The following INPP5D variants were observed in gnomAD, a reference collection of about 807,000 sequenced individuals.
INPP5D encodes phosphatidylinositol 3,4,5-trisphosphate 5-phosphatase 1.
INPP5D carries 33 observed loss-of-function variants against 122.9 expected under a neutral mutation model. The observed-to-expected ratio is 0.27, with a 90% CI of 0.20 to 0.36. INPP5D has a LOEUF of 0.36. Among genes scored for constraint, INPP5D ranks in the 10% least tolerant of loss-of-function variants. The pLI is 1.00. For synonymous variants in INPP5D, 584 were observed against 576.2 expected (o/e 1.01, Z -0.19); for missense variants, 1,053 against 1,412.7 (o/e 0.75, Z 4.08).
intron 26 of INPP5D, chr2:233,205,366 TA>T (rs1239308405): frequency 7.8e-6 from 1 of 128,802 alleles, no homozygotes; most frequent in Non-Finnish European, 1.7e-5. Context: ...AAAAAAAAAT[TA>T]AAAAACAACA....
chr2:233,086,133 C>CTTTCTTTCTTTCT (rs1691831441), intron 2 of INPP5D, among the ~76,000 whole-genome samples: 11 of 123,030 alleles, frequency 8.9e-5, no homozygotes, highest in Non-Finnish European at 1.5e-4. Flanking sequence ...TTCTTTCTTT[C>CTTTCTTTCTTTCT]TTTCTTTCTT....
intron 22 of INPP5D, among the ~76,000 whole-genome samples, chr2:233,191,272 G>A (rs539724630): frequency 1.3e-5 from 2 of 152,278 alleles, no homozygotes; most frequent in African/African-American, 2.4e-5. Flanking sequence ...CAGATCTCTT[G>A]AGAACTCACT....
intron 2 of INPP5D, among the ~76,000 whole-genome samples, chr2:233,087,832 T>G (rs1487096499): frequency 6.6e-6 from 1 of 152,194 alleles, no homozygotes; most frequent in Non-Finnish European, 1.5e-5. Context: ...AAATTTGTCC[T>G]CCACAGGATC....
At chr2:233,131,989 G>A (rs1693341054) in intron 5 of INPP5D, among the ~76,000 whole-genome samples, 1 of 152,194 alleles carries the variant, frequency 6.6e-6, no homozygotes, top group Admixed American at 6.5e-5. Flanking sequence ...GACAAATCAA[G>A]CACTCACCAA....
At chr2:233,116,577 C>T (rs1448608528) in intron 2 of INPP5D, among the ~76,000 whole-genome samples, 1 of 150,602 alleles carries the variant, frequency 6.6e-6, no homozygotes, top group Non-Finnish European at 1.5e-5. Flanking sequence ...CGTGTGCCAC[C>T]ATGTCTGACC....
At chr2:233,121,357 C>T (rs911889919) in intron 2 of INPP5D, among the ~76,000 whole-genome samples, 1 of 151,540 alleles carries the variant, frequency 6.6e-6, no homozygotes, top group Non-Finnish European at 1.5e-5. Context: ...AGACTGGTCT[C>T]GAACTCCTGA....
chr2:233,190,806 C>T (rs558126711), intron 22 of INPP5D, among the ~76,000 whole-genome samples: 6 of 152,344 alleles, frequency 3.9e-5, no homozygotes, highest in African/African-American at 1.4e-4. Flanking sequence ...CAGGCCAAGC[C>T]TCTCCTTACA....
chr2:233,107,884 T>C (rs75276944), intron 2 of INPP5D, among the ~76,000 whole-genome samples: 2,345 of 152,242 alleles, frequency 0.015, 50 homozygotes, highest in African/African-American at 0.049. Flanking sequence ...TCCCCAGCGC[T>C]GCCACGGCAC....
chr2:233,183,990 A>C lies in INPP5D; in HGVS notation c.2162-418A>C, dbSNP rs1445274184. On this transcript the variant is annotated intron_variant, in intron 19 of 26. Coordinates refer to ENST00000445964, the MANE Select transcript of INPP5D (RefSeq NM_001017915.3). The surrounding 1 kb of genome is among the most constrained non-coding windows in gnomAD (Gnocchi z 4.6). ...GGAAGGAGTGGGGATAACTGTGCCT[A>C]AGGGAGAGAGAGCTGCTAGCCCTCA... is the stretch of plus-strand genomic sequence containing the variant. 3.9e-5 allele frequency among the ~76,000 whole-genome samples: 6 copies of C among 152,208 alleles called. No homozygotes were observed. The highest frequency in any genetic ancestry group is 2.9e-5 in the Non-Finnish European group (2 of 68,044).
chr2:233,120,414 G>T (rs942077688), intron 2 of INPP5D, among the ~76,000 whole-genome samples: 2 of 152,214 alleles, frequency 1.3e-5, no homozygotes, highest in African/African-American at 2.4e-5. Context: ...AACCCAGGAG[G>T]TGGAGGCTGC....
chr2:233,194,397 T>A (rs1366945091), intron 23 of INPP5D, among the ~76,000 whole-genome samples: 1 of 151,894 alleles, frequency 6.6e-6, no homozygotes, highest in Non-Finnish European at 1.5e-5. Context: ...CACGGCCACA[T>A]GGTGCCCACT....
chr2:233,182,115 A>C (rs1006106028), intron 18 of INPP5D, among the ~76,000 whole-genome samples: 1 of 152,192 alleles, frequency 6.6e-6, no homozygotes, highest in African/African-American at 2.4e-5. Context: ...TAAATAAATA[A>C]GTACAATGAT....
intron 6 of INPP5D, among the ~76,000 whole-genome samples, chr2:233,142,443 T>A (rs1693652919): frequency 2.0e-5 from 3 of 152,130 alleles, no homozygotes; most frequent in African/African-American, 7.2e-5. Flanking sequence ...TCTGCAGGGT[T>A]TGGTTAAGGA....
chr2:233,158,029 AAG>A (rs1694101290), intron 9 of INPP5D, among the ~76,000 whole-genome samples: 1 of 152,078 alleles, frequency 6.6e-6, no homozygotes, highest in African/African-American at 2.4e-5. Flanking sequence ...GAGAAGGAAG[AAG>A]AGAGAGGGGA....
At chr2:233,140,310 GC>G (rs1212523616) in intron 6 of INPP5D, 3 of 155,352 alleles carry the variant, frequency 1.9e-5, no homozygotes, top group East Asian at 1.9e-4. Context: ...GGATGAAGGT[GC>G]CCCCCAACCC....
intron 5 of INPP5D, among the ~76,000 whole-genome samples, chr2:233,133,731 AG>A (rs1559310923): frequency 6.6e-6 from 1 of 152,180 alleles, no homozygotes; most frequent in African/African-American, 2.4e-5. Flanking sequence ...GAGTTTGTGC[AG>A]GGCTGGGCCA....
chr2:233,177,300 C>A lies in INPP5D; in HGVS notation c.2025C>A (p.Val675=). 2 of 1,613,876 alleles carry A rather than the reference C, an allele frequency of 1.2e-6. No individual in the cohort carries two copies. Among genetic ancestry groups the A allele is most frequent in the South Asian group, 1.1e-5 (1 of 91,078 alleles). The change falls in exon 18 of 27, where the codon GTC becomes GTA. Residue 675 remains valine, a synonymous_variant. Coordinates refer to ENST00000445964, the MANE Select transcript of INPP5D (RefSeq NM_001017915.3). The surrounding 1 kb of genome is among the most constrained non-coding windows in gnomAD (Gnocchi z 4.2). ...ACTTGCCTTCCTGGTGTGACCGAGT[C>A]CTCTGGAAGTCTTATCCCCTGGTGC... ...KYNLPSWCDR[V]LWKSYPLVHV...
rs777347963 is a variant in INPP5D, at chr2:233,206,770, C to T, written c.*62C>T. The T allele has an allele frequency of 4.1e-6, 3 of 740,360 alleles. No homozygotes were observed. Among genetic ancestry groups the T allele is most frequent in the South Asian group, 1.4e-5 (1 of 69,212 alleles). The allele number at this position is 740,360 out of a possible 1,614,324, so 45.9% of individuals were successfully genotyped here. A position where few individuals can be genotyped will look rare whatever the true frequency, so the allele number is the denominator to read the frequency against. On this transcript the variant is annotated 3_prime_UTR_variant, in exon 27 of 27. Coordinates refer to ENST00000445964, the MANE Select transcript of INPP5D (RefSeq NM_001017915.3). This position sits in a 1 kb window ranked among gnomAD's most constrained non-coding sequence, Gnocchi z 4.0. ...AGGAACGGCGTGAAGCCACTGGACC[C>T]TCTCCCGGGACCTCCTGCTGGCTCC... is the stretch of plus-strand genomic sequence containing the variant.
chr2:233,092,841 C>T (rs1433863910), intron 2 of INPP5D, among the ~76,000 whole-genome samples: 1 of 152,164 alleles, frequency 6.6e-6, no homozygotes, highest in Non-Finnish European at 1.5e-5. Context: ...GTCAGTGGCT[C>T]CCACGTAGCC....
Sources: allele counts gnomAD v4.1 joint callset (sites outside exome capture counted in the v4.1 genomes callset), GRCh38; gene constraint gnomAD v4.1.1; non-coding constraint Gnocchi (gnomAD v3.1); transcripts MANE v1.5; gene names NCBI Gene and HGNC (gene_info 2026-07-23, HGNC 2026-07-21).